Variants in YJU2B observed in about 807,000 individuals in gnomAD.
YJU2B encodes YJU2 splicing factor homolog B.
In YJU2B, 18 loss-of-function variants were observed where a neutral mutation model predicts 38.0. The observed-to-expected ratio is 0.47, with a 90% CI of 0.33 to 0.70. YJU2B has a LOEUF of 0.70. YJU2B is among the 30% of genes least tolerant of loss of function. The pLI, the probability that YJU2B is intolerant of heterozygous loss-of-function variation, is 0.02. For missense variants in YJU2B, 538 were observed against 556.3 expected, an observed-to-expected ratio of 0.97 and a Z score of 0.33; for synonymous variants, 246 against 225.4, an observed-to-expected ratio of 1.09 and a Z score of -0.82.
intron 6 of YJU2B, 142 bp from the exon 7 acceptor site, chr19:13,758,726 G>T: frequency 1.1e-6 from 1 of 929,912 alleles, no homozygotes; most frequent in Non-Finnish European, 1.6e-6. Flanking sequence ...CTTTTTGCCC[G>T]TGGCTCTACA....
chr19:13,754,087 G>T (rs546655839), intron 2 of YJU2B, among the ~76,000 whole-genome samples: 2 of 152,238 alleles, frequency 1.3e-5, no homozygotes, highest in Non-Finnish European at 2.9e-5. Context: ...CAGGAGAATC[G>T]CCTGAACTCG....
At chr19:13,745,362 G>A (rs1382936441), upstream of YJU2B, among the ~76,000 whole-genome samples, 4 of 151,832 alleles carry the variant, frequency 2.6e-5, no homozygotes, top group Admixed American at 1.3e-4. Context: ...ACCTGGCACC[G>A]AATAATAAAG....
intron 2 of YJU2B, among the ~76,000 whole-genome samples, chr19:13,735,277 C>T (rs1344251140): frequency 2.6e-5 from 4 of 152,004 alleles, no homozygotes; most frequent in Non-Finnish European, 4.4e-5. Context: ...ATTGCGCCAC[C>T]GCACTCCAGC....
intron 1 of YJU2B, among the ~76,000 whole-genome samples, chr19:13,751,288 G>C (rs546996889): frequency 2.0e-5 from 3 of 152,140 alleles, no homozygotes; most frequent in Non-Finnish European, 2.9e-5. Context: ...GGTGGCGCAC[G>C]CTTGTAGTCC....
chr19:13,742,898 A>C (rs418005), upstream of YJU2B, among the ~76,000 whole-genome samples: 93,584 of 151,960 alleles, frequency 0.62, 29,164 homozygotes, highest in Middle Eastern at 0.72. Flanking sequence ...CCTGGGGATC[A>C]GCGAGCATGC....
chr19:13,746,817 G>A (rs536938223), upstream of YJU2B, among the ~76,000 whole-genome samples: 4 of 152,132 alleles, frequency 2.6e-5, no homozygotes, highest in African/African-American at 7.2e-5. Context: ...TGAGGCAAGA[G>A]AATCACTTGA....
At chr19:13,760,675 C>T (rs1029068216) in intron 8 of YJU2B, among the ~76,000 whole-genome samples, 2 of 152,060 alleles carry the variant, frequency 1.3e-5, no homozygotes, top group African/African-American at 4.8e-5. Context: ...TCACTGCAGC[C>T]TCGATGTCCC....
chr19:13,754,355 TCCGCTCCAGG>T lies in YJU2B; in HGVS notation c.57+14_57+23del. The T allele has an allele frequency of 6.2e-7, 1 of 1,609,858 alleles. No homozygotes were observed. The highest frequency in any genetic ancestry group is 8.5e-7 in the Non-Finnish European group (1 of 1,176,204). ...CAACCCTGAGAAGGTAAGCAGGCTC[TCCGCTCCAGG>T]TCCACAGTAGCAAAAAGACCCACGT... On this transcript the variant is annotated intron_variant, in intron 3 of 9. Coordinates refer to ENST00000221554, the MANE Select transcript of YJU2B (RefSeq NM_030818.4).
chr19:13,744,807 C>A (rs1870191383), upstream of YJU2B, among the ~76,000 whole-genome samples: 1 of 152,148 alleles, frequency 6.6e-6, no homozygotes, highest in Non-Finnish European at 1.5e-5. Flanking sequence ...TCTTGGCTAA[C>A]ATGGTGAAAC....
At chr19:13,740,737 A>G (rs1489445319) in intron 2 of YJU2B, among the ~76,000 whole-genome samples, 1 of 152,088 alleles carries the variant, frequency 6.6e-6, no homozygotes, top group African/African-American at 2.4e-5. Context: ...GGGTTTCACC[A>G]TATTGGTCAG....
intron 2 of YJU2B, among the ~76,000 whole-genome samples, chr19:13,737,690 C>T (rs2145083098): frequency 6.6e-6 from 1 of 151,286 alleles, no homozygotes; most frequent in South Asian, 2.1e-4. Flanking sequence ...GAGGCTGAGG[C>T]AGGGGAATCG....
chr19:13,761,750 C>G (rs1329761655), intron 8 of YJU2B, among the ~76,000 whole-genome samples: 1 of 99,726 alleles, frequency 1.0e-5, no homozygotes, highest in South Asian at 3.2e-4. Context: ...TTGAAACAGT[C>G]TCCCCCCTTT....
rs547846526 is a variant in YJU2B, at chr19:13,751,695, A to G, written c.-114A>G. 1 of 1,110,752 alleles carries G rather than the reference A, an allele frequency of 9.0e-7. No homozygotes were observed. Among genetic ancestry groups the G allele is most frequent in the East Asian group, 2.4e-5 (1 of 41,396 alleles). 68.8% of individuals were successfully genotyped at this position (1,110,752 alleles called of 1,614,324 possible). A position where few individuals can be genotyped will look rare whatever the true frequency, so the allele number is the denominator to read the frequency against. ...CACGGCCCACGACATCTTCGCAGGG[A>G]AGCCTGTGGACCCTCTGCCAGGCTC... On this transcript the variant is annotated 5_prime_UTR_variant, in exon 2 of 10. Transcript: ENST00000221554.
chr19:13,736,896 G>T (rs1368522402), intron 2 of YJU2B, among the ~76,000 whole-genome samples: 2 of 151,718 alleles, frequency 1.3e-5, no homozygotes, highest in Non-Finnish European at 2.9e-5. Flanking sequence ...GCCAGGTGGT[G>T]GGAAGCTGTG....
chr19:13,738,892 CAAAAA>C (rs527948929), intron 2 of YJU2B, among the ~76,000 whole-genome samples: 1 of 55,456 alleles, frequency 1.8e-5, no homozygotes, highest in African/African-American at 6.7e-5. Context: ...GACTCTGTCT[CAAAAA>C]AAAAAAAAAA....
intron 2 of YJU2B, chr19:13,732,610 C>CTTTTTTT (rs58605088): frequency 3.3e-5 from 4 of 119,426 alleles, no homozygotes; most frequent in East Asian, 2.5e-4. Flanking sequence ...TACTTTCTTT[C>CTTTTTTT]TTTTTTTTTT....
chr19:13,750,022 A>G (rs1973396410), intron 1 of YJU2B, among the ~76,000 whole-genome samples: 2 of 152,240 alleles, frequency 1.3e-5, no homozygotes, highest in Admixed American at 6.5e-5. Flanking sequence ...TGTCACCTGC[A>G]CTGACTGTGA....
At chr19:13,735,821 G>A (rs910769033) in intron 2 of YJU2B, among the ~76,000 whole-genome samples, 3 of 152,080 alleles carry the variant, frequency 2.0e-5, no homozygotes, top group Non-Finnish European at 4.4e-5. Context: ...GGGAAGCCAA[G>A]GCGGGCGGAT....
chr19:13,758,818 C>G, intron 6 of YJU2B, 50 bp from the exon 7 acceptor site: 1 of 1,600,408 alleles, frequency 6.2e-7, no homozygotes, highest in Non-Finnish European at 8.5e-7. Flanking sequence ...ACAGGGCTGT[C>G]CTGGTGCACA....
Sources: gnomAD v4.1 joint callset for allele counts (sites outside exome capture counted in the v4.1 genomes callset) on GRCh38, gnomAD v4.1.1 for gene constraint, MANE v1.5 for transcripts, NCBI Gene and HGNC (gene_info 2026-07-23, HGNC 2026-07-21) for gene names.